CNTN4: variants seen among roughly 807,000 people sequenced by gnomAD.
The protein encoded by CNTN4 is contactin 4.
In CNTN4, 77 loss-of-function variants were observed where a neutral mutation model predicts 122.5. The observed-to-expected ratio is 0.63, with a 90% CI of 0.52 to 0.76. The LOEUF (loss-of-function observed/expected upper bound fraction) is 0.76, where lower values mean the gene tolerates loss of function less well. CNTN4 is among the 30% of genes least tolerant of loss of function. The pLI is 0.00. For synonymous variants in CNTN4, 512 were observed against 447.0 expected (o/e 1.15, Z -1.83); for missense variants, 1,256 against 1,259.1 (o/e 1.00, Z 0.04).
intron 6 of CNTN4, among the ~76,000 whole-genome samples, chr3:2,757,661 A>G (rs1240834625): frequency 6.6e-6 from 1 of 152,192 alleles, no homozygotes; most frequent in Non-Finnish European, 1.5e-5. Flanking sequence ...TTTGCCTTCT[A>G]GCTGTCATGT....
chr3:2,693,678 G>C (rs1290276126), intron 4 of CNTN4, among the ~76,000 whole-genome samples: 1 of 152,068 alleles, frequency 6.6e-6, no homozygotes, highest in Non-Finnish European at 1.5e-5. Flanking sequence ...AAGAGAAATT[G>C]CTCCAAGAAA....
intron 23 of CNTN4, among the ~76,000 whole-genome samples, chr3:3,051,167 C>T (rs565624467): frequency 1.3e-5 from 2 of 152,264 alleles, no homozygotes; most frequent in African/African-American, 4.8e-5. Context: ...AGATTGGACA[C>T]CCCTGATTTA....
At chr3:2,626,298 C>G (rs918030449) in intron 4 of CNTN4, among the ~76,000 whole-genome samples, 1 of 152,018 alleles carries the variant, frequency 6.6e-6, no homozygotes, top group Non-Finnish European at 1.5e-5. Context: ...TCGAGACCAT[C>G]CTGGCTAACA....
intron 3 of CNTN4, among the ~76,000 whole-genome samples, chr3:2,344,441 A>T (rs1256707070): frequency 1.3e-5 from 2 of 151,886 alleles, no homozygotes; most frequent in Non-Finnish European, 2.9e-5. Flanking sequence ...CACCGCACCC[A>T]GCTAATTTTT....
intron 2 of CNTN4, among the ~76,000 whole-genome samples, chr3:2,286,642 G>A (rs934667923): frequency 5.3e-5 from 8 of 152,104 alleles, no homozygotes; most frequent in African/African-American, 1.4e-4. Context: ...ATAAAGTTAT[G>A]TATGTTTACA....
intron 6 of CNTN4, among the ~76,000 whole-genome samples, chr3:2,758,973 T>A (rs896392038): frequency 6.6e-6 from 1 of 152,174 alleles, no homozygotes; most frequent in Non-Finnish European, 1.5e-5. Flanking sequence ...ATAAAACCTG[T>A]AACCGTTAAC....
rs998998746 is a variant in CNTN4 at position 2,481,203 on chromosome 3, C to T, written c.-88-90213C>T. On this transcript the variant is annotated intron_variant, in intron 3 of 24. Coordinates refer to ENST00000418658, the MANE Select transcript of CNTN4 (RefSeq NM_175607.3). The stretch of plus-strand genomic sequence containing the variant: ...TCACCCAGGCTGGAGTGCAGTGGGG[C>T]GATCTTGGCTCACTGCAACCTCCAC... 1.7e-4 allele frequency among the ~76,000 whole-genome samples: 25 copies of T among 151,366 alleles called. No homozygotes were observed. In the East Asian group the frequency reaches 1.8e-3, roughly 11 times the overall value.
At chr3:2,193,536 G>A (rs1559330798) in intron 2 of CNTN4, among the ~76,000 whole-genome samples, 1 of 152,168 alleles carries the variant, frequency 6.6e-6, no homozygotes, top group Non-Finnish European at 1.5e-5. Flanking sequence ...CCATAGACTG[G>A]ATCTTGAAGT....
At chr3:2,915,384 T>G (rs1395683900) in intron 12 of CNTN4, among the ~76,000 whole-genome samples, 3 of 152,220 alleles carry the variant, frequency 2.0e-5, no homozygotes, top group African/African-American at 7.2e-5. Context: ...TACCTTTTCA[T>G]GACAAAAACA....
intron 2 of CNTN4, among the ~76,000 whole-genome samples, chr3:2,151,832 C>T (rs2035506265): frequency 6.6e-6 from 1 of 152,216 alleles, no homozygotes. Context: ...TCCCCACCAG[C>T]AAGAAGGCCC....
At chr3:2,564,670 T>C (rs2079084902) in intron 3 of CNTN4, among the ~76,000 whole-genome samples, 1 of 152,126 alleles carries the variant, frequency 6.6e-6, no homozygotes, top group African/African-American at 2.4e-5. Context: ...CTGAATCTTA[T>C]CCCAGTGATC....
chr3:2,751,912 C>T (rs1247545185), intron 6 of CNTN4, among the ~76,000 whole-genome samples: 1 of 152,004 alleles, frequency 6.6e-6, no homozygotes, highest in Non-Finnish European at 1.5e-5. Flanking sequence ...TAGAGGGAAT[C>T]AAATGTCGTT....
chr3:2,441,512 C>A (rs1233753118), intron 3 of CNTN4, among the ~76,000 whole-genome samples: 4 of 152,094 alleles, frequency 2.6e-5, no homozygotes, highest in African/African-American at 9.7e-5. Flanking sequence ...CCTTTGGGGG[C>A]CTCTTCTTCA....
At chr3:2,797,325 ATGG>A (rs1256288088) in intron 6 of CNTN4, among the ~76,000 whole-genome samples, 2 of 149,120 alleles carry the variant, frequency 1.3e-5, no homozygotes, top group African/African-American at 4.9e-5. Context: ...TACACTGGGA[ATGG>A]TGGCTTACGC....
intron 13 of CNTN4, among the ~76,000 whole-genome samples, chr3:2,947,439 A>T (rs1295507898): frequency 6.6e-6 from 1 of 152,196 alleles, no homozygotes; most frequent in Admixed American, 6.5e-5. Flanking sequence ...ACCAATGATC[A>T]TTCAGAAGGA....
intron 4 of CNTN4, among the ~76,000 whole-genome samples, chr3:2,685,356 A>G (rs11714932): frequency 0.48 from 72,864 of 152,036 alleles, 20,123 homozygotes; most frequent in Non-Finnish European, 0.62. Flanking sequence ...GTTAATGATG[A>G]TCTTCAAATT....
intron 23 of CNTN4, among the ~76,000 whole-genome samples, chr3:3,050,849 C>T (rs557593855): frequency 5.9e-5 from 9 of 151,468 alleles, no homozygotes; most frequent in Admixed American, 2.6e-4. Flanking sequence ...GTCATGAGAC[C>T]GGGCAATTGC....
intron 2 of CNTN4, among the ~76,000 whole-genome samples, chr3:2,259,589 A>G (rs2149736865): frequency 6.6e-6 from 1 of 152,346 alleles, no homozygotes; most frequent in African/African-American, 2.4e-5. Context: ...GGCACATCTT[A>G]CATGGCTGCA....
At chr3:2,216,898 A>T (rs2038864338) in intron 2 of CNTN4, among the ~76,000 whole-genome samples, 1 of 152,160 alleles carries the variant, frequency 6.6e-6, no homozygotes, top group African/African-American at 2.4e-5. Context: ...ATGGAGCTGC[A>T]ATCCACTACC....
Sources: allele counts gnomAD v4.1 joint callset (sites outside exome capture counted in the v4.1 genomes callset), GRCh38; gene constraint gnomAD v4.1.1; transcripts MANE v1.5; gene names NCBI Gene and HGNC (gene_info 2026-07-23, HGNC 2026-07-21).